The following ARL15 variants were observed in gnomAD, a reference collection of about 807,000 sequenced individuals.
ARL15 encodes the protein ADP-ribosylation factor-like protein 15.
Under a neutral mutation model 25.2 loss-of-function variants are expected in ARL15, and 19 were observed. The observed-to-expected ratio is 0.75, with a 90% CI of 0.53 to 1.10. The LOEUF (loss-of-function observed/expected upper bound fraction) is 1.10. Ranked by LOEUF, ARL15 falls within the 50% of genes least tolerant of loss-of-function variation. The pLI, the probability that ARL15 is intolerant of heterozygous loss-of-function variation, is 0.00. For missense variants in ARL15, 220 were observed against 246.0 expected (o/e 0.89, Z 0.71); for synonymous variants, 94 against 86.8 (o/e 1.08, Z -0.46).
intron 4 of ARL15, among the ~76,000 whole-genome samples, chr5:54,047,250 G>T (rs917318302): frequency 1.3e-5 from 2 of 152,184 alleles, no homozygotes; most frequent in African/African-American, 4.8e-5. Context: ...GTCAGAAGTA[G>T]TTCCACTGAA....
At chr5:54,251,480 G>A (rs917887228) in intron 1 of ARL15, among the ~76,000 whole-genome samples, 3 of 152,108 alleles carry the variant, frequency 2.0e-5, no homozygotes, top group Non-Finnish European at 4.4e-5. Context: ...CAGCACCTAG[G>A]GATGGCAGAA....
chr5:54,138,235 C>T lies in ARL15; in HGVS notation c.253+16345G>A, dbSNP rs992441897. On this transcript the variant is annotated intron_variant, in intron 3 of 4. Coordinates refer to ENST00000504924, the MANE Select transcript of ARL15 (RefSeq NM_019087.3). ...GTGGCTCATGCCTGTCCCAACATTT[C>T]GGGAGGCCAAGGTGGGAGAATCACT... is the stretch of plus-strand genomic sequence containing the variant. Among the ~76,000 whole-genome samples, 132 of 152,054 alleles carry T rather than the reference C, an allele frequency of 8.7e-4. 9 individuals carry two copies. Among genetic ancestry groups the T allele is most frequent in the East Asian group, 7.7e-4 (4 of 5,162 alleles).
intron 1 of ARL15, among the ~76,000 whole-genome samples, chr5:54,233,354 A>G (rs562863713): frequency 1.3e-5 from 2 of 152,348 alleles, no homozygotes; most frequent in South Asian, 4.1e-4. Context: ...TATTTTCTTA[A>G]AAATAAATGA....
intron 4 of ARL15, among the ~76,000 whole-genome samples, chr5:54,015,476 C>A (rs1310141536): frequency 1.3e-5 from 2 of 152,104 alleles, no homozygotes; most frequent in Non-Finnish European, 2.9e-5. Context: ...ATAAGTTACT[C>A]TTTTATTAAG....
At chr5:54,224,565 A>G (rs1756468094) in intron 1 of ARL15, among the ~76,000 whole-genome samples, 2 of 152,174 alleles carry the variant, frequency 1.3e-5, no homozygotes, top group African/African-American at 4.8e-5. Context: ...ATAAATCAGC[A>G]TCTGGGCTCA....
At chr5:53,961,495 C>CAA (rs10589852) in intron 4 of ARL15, among the ~76,000 whole-genome samples, 3,047 of 68,610 alleles carry the variant, frequency 0.044, 134 homozygotes, top group Admixed American at 0.071. Flanking sequence ...GACTCTGTCT[C>CAA]AAAAAAAAAA....
intron 4 of ARL15, among the ~76,000 whole-genome samples, chr5:53,889,814 T>TG (rs1561137244): frequency 6.6e-6 from 1 of 151,580 alleles, no homozygotes; most frequent in African/African-American, 2.4e-5. Flanking sequence ...CTGACTGTTT[T>TG]TTTTTTTTTT....
chr5:54,238,173 T>C (rs1196471043), intron 1 of ARL15, among the ~76,000 whole-genome samples: 1 of 152,000 alleles, frequency 6.6e-6, no homozygotes, highest in Non-Finnish European at 1.5e-5. Flanking sequence ...AAAAACAAAA[T>C]GGGAATGGAA....
intron 2 of ARL15, among the ~76,000 whole-genome samples, chr5:54,161,074 A>G (rs753363154): frequency 1.3e-5 from 2 of 152,166 alleles, no homozygotes; most frequent in Non-Finnish European, 2.9e-5. Flanking sequence ...TTCAAAAAAT[A>G]AATGTAAATC....
intron 4 of ARL15, among the ~76,000 whole-genome samples, chr5:53,988,321 G>GAAA (rs756851983): frequency 1.9e-5 from 2 of 106,916 alleles, no homozygotes; most frequent in African/African-American, 7.0e-5. Context: ...AAGAAAAAAA[G>GAAA]AAAAAAAAAA....
rs139508574 is a variant in ARL15 at position 54,271,527 on chromosome 5, T to C, written c.48+38905A>G. ...TGACAAGGAAAAATATCTATACATG[T>C]TGGGTACGAATGCAAATTTGTTTTC... On this transcript the variant is annotated intron_variant, in intron 1 of 4. Transcript: ENST00000504924. Among the ~76,000 whole-genome samples the C allele has an allele frequency of 8.4e-3, 1,274 of 152,292 alleles. 27 individuals are homozygous for C. Among genetic ancestry groups the C allele is most frequent in the African/African-American group, 0.029 (1,216 of 41,550 alleles).
At chr5:53,937,383 C>T (rs1330023904) in intron 4 of ARL15, among the ~76,000 whole-genome samples, 1 of 152,070 alleles carries the variant, frequency 6.6e-6, no homozygotes, top group Admixed American at 6.5e-5. Flanking sequence ...TTTTCTTTGT[C>T]TAGCATAACT....
intron 1 of ARL15, among the ~76,000 whole-genome samples, chr5:54,226,669 A>G (rs1316976373): frequency 3.3e-5 from 5 of 152,202 alleles, no homozygotes; most frequent in East Asian, 3.8e-4. Flanking sequence ...ATTAAAAAAA[A>G]TGAGTAAAAC....
chr5:54,284,252 T>A (rs1310120133), intron 1 of ARL15, among the ~76,000 whole-genome samples: 1 of 152,150 alleles, frequency 6.6e-6, no homozygotes, highest in Non-Finnish European at 1.5e-5. Context: ...TACAGGAGCA[T>A]GCCACCATGC....
intron 4 of ARL15, among the ~76,000 whole-genome samples, chr5:53,982,332 C>T (rs1283299701): frequency 7.1e-6 from 1 of 141,256 alleles, no homozygotes; most frequent in Non-Finnish European, 1.5e-5. Context: ...CTACACCTCC[C>T]CTACCCCCCC....
intron 1 of ARL15, among the ~76,000 whole-genome samples, chr5:54,271,905 C>CATTTATTTATTTATTTATTT (rs34653736): frequency 2.1e-5 from 3 of 146,298 alleles, no homozygotes; most frequent in East Asian, 2.1e-4. Flanking sequence ...CTGTGCTTAA[C>CATTTATTTATTTATTTATTT]ATTTATTTAT....
intron 4 of ARL15, among the ~76,000 whole-genome samples, chr5:53,899,463 T>C (rs1333535677): frequency 6.6e-6 from 1 of 151,296 alleles, no homozygotes; most frequent in Non-Finnish European, 1.5e-5. Flanking sequence ...GTTTTCCTAA[T>C]CTCTATTTCA....
At chr5:54,091,565 G>T (rs1276081161) in intron 4 of ARL15, among the ~76,000 whole-genome samples, 1 of 152,152 alleles carries the variant, frequency 6.6e-6, no homozygotes, top group Non-Finnish European at 1.5e-5. Flanking sequence ...CAGAGCATCT[G>T]TTCCAGCAAC....
In ARL15 at chr5:53,955,669, T is replaced by C. The variant is rs375084784; in HGVS notation, c.463-68956A>G. Among the ~76,000 whole-genome samples the C allele has an allele frequency of 1.8e-3, 276 of 152,324 alleles. 2 individuals carry two copies. The highest frequency in any genetic ancestry group is 6.4e-3 in the African/African-American group (264 of 41,572). ...ATGCCGAATCAAGAGTAAGGCAATT[T>C]AAAAATGGTAGAAAAGCACAGTAAC... On this transcript the variant is annotated intron_variant, in intron 4 of 4. Transcript: ENST00000504924.
Sources: gnomAD v4.1 joint callset for allele counts (sites outside exome capture counted in the v4.1 genomes callset) on GRCh38, gnomAD v4.1.1 for gene constraint, MANE v1.5 for transcripts, NCBI Gene and HGNC (gene_info 2026-07-23, HGNC 2026-07-21) for gene names.